TIMMDC1: variants seen among roughly 807,000 people sequenced by gnomAD.
TIMMDC1 encodes the protein complex I assembly factor TIMMDC1, mitochondrial.
A neutral mutation model predicts 32.6 loss-of-function variants in TIMMDC1; 25 were observed. The ratio of observed to expected loss-of-function variants is 0.77; its 90% CI spans 0.56 to 1.07. The LOEUF is 1.07. TIMMDC1 is among the 50% of genes least tolerant of loss of function. The probability of loss-of-function intolerance (pLI) is 0.00; values close to 1 mark genes in which losing one functional copy is unlikely to be tolerated. For synonymous variants in TIMMDC1, 130 were observed against 127.6 expected (o/e 1.02, Z -0.13); for missense variants, 329 against 349.2 (o/e 0.94, Z 0.46).
rs910069510 is a variant in TIMMDC1 at position 119,524,779 on chromosome 3, A to C, written c.*1023A>C. 1.3e-5 allele frequency: 2 copies of C among 152,232 alleles called. No homozygotes were observed. The highest frequency in any genetic ancestry group is 4.8e-5 in the African/African-American group (2 of 41,460). 9.4% of individuals were successfully genotyped at this position (152,232 alleles called of 1,614,324 possible). A position where few individuals can be genotyped will look rare whatever the true frequency, so the allele number is the denominator to read the frequency against. On this transcript the variant is annotated 3_prime_UTR_variant, in exon 7 of 7. Coordinates refer to ENST00000494664, the MANE Select transcript of TIMMDC1 (RefSeq NM_016589.4). Reference sequence around the variant, plus strand: ...TGAGTAACATGAACAGCAGTTGGCTATGTCTTTCCAGTTCTCTGCTGATGT... The same window carrying C: ...TGAGTAACATGAACAGCAGTTGGCTCTGTCTTTCCAGTTCTCTGCTGATGT...
At position 119,523,893 on chromosome 3, in the gene TIMMDC1, T is replaced by A. The variant is rs1234457155; in HGVS notation, c.*137T>A. 5 of 806,886 alleles carry A rather than the reference T, an allele frequency of 6.2e-6. No individual in the cohort carries two copies. The South Asian group carries it at 1.3e-4, about 21-fold the overall frequency. 50.0% of individuals were successfully genotyped at this position (806,886 alleles called of 1,614,324 possible). On this transcript the variant is annotated 3_prime_UTR_variant, in exon 7 of 7. Transcript: ENST00000494664. ...TACCTGTGGTGGCAGTGGCTTGCTC[T>A]TGTCTTTTTCTTTTCTTTTTAACTA... is the stretch of plus-strand genomic sequence containing the variant.
chr3:119,520,680 C>G (rs1317941170), intron 6 of TIMMDC1, among the ~76,000 whole-genome samples: 1 of 152,208 alleles, frequency 6.6e-6, no homozygotes, highest in African/African-American at 2.4e-5. Flanking sequence ...AAGACCAATT[C>G]TCAAACTGTT....
intron 5 of TIMMDC1, among the ~76,000 whole-genome samples, chr3:119,516,310 T>C (rs1262712176): frequency 6.6e-6 from 1 of 152,226 alleles, no homozygotes; most frequent in Admixed American, 6.5e-5. Flanking sequence ...AGATTTTGAC[T>C]ACTTTAGATA....
Position 119,503,938 on chromosome 3 carries a change from C to G in TIMMDC1, c.450-16C>G. ...GCTTTAAATCTTATATTTTCCTTCT[C>G]CTCCCTTTTTACCAGCACAGTGAAC... On this transcript the variant is annotated splice_polypyrimidine_tract_variant and intron_variant, in intron 3 of 6. Coordinates refer to ENST00000494664, the MANE Select transcript of TIMMDC1 (RefSeq NM_016589.4). 1 of 1,604,640 alleles carries G rather than the reference C, an allele frequency of 6.2e-7. No homozygotes were observed. The highest frequency in any genetic ancestry group is 8.5e-7 in the Non-Finnish European group (1 of 1,173,062).
chr3:119,523,737 A>G lies in TIMMDC1; in HGVS notation c.839A>G (p.Asp280Gly), dbSNP rs1483651211. 4 of 1,609,084 alleles carry G rather than the reference A, an allele frequency of 2.5e-6. No individual in the cohort carries two copies. Among genetic ancestry groups the G allele is most frequent in the South Asian group, 2.2e-5 (2 of 90,130 alleles). The change falls in exon 7 of 7, where the codon GAT becomes GGT. Residue 280 changes from aspartate to glycine, a missense_variant. Coordinates refer to ENST00000494664, the MANE Select transcript of TIMMDC1 (RefSeq NM_016589.4). ...CTTCCTAGAAACCCTTCAGTAATAG[A>G]TAAACAAGACAAGGACTGAAAGTGC... Reference protein sequence around the residue: ...LNLPRNPSVIDKQDKD With the variant: ...LNLPRNPSVIGKQDKD
At chr3:119,508,457 T>C (rs7642302) in intron 4 of TIMMDC1, among the ~76,000 whole-genome samples, 6,748 of 152,308 alleles carry the variant, frequency 0.044, 466 homozygotes, top group African/African-American at 0.15. Flanking sequence ...GTTTTTCCAT[T>C]TGTTTAGCTT....
At chr3:119,516,178 A>C (rs867696862) in intron 5 of TIMMDC1, among the ~76,000 whole-genome samples, 3 of 152,234 alleles carry the variant, frequency 2.0e-5, no homozygotes, top group African/African-American at 7.2e-5. Context: ...GTATATTCAC[A>C]TTGTGCATGA....
In TIMMDC1 at chr3:119,498,810, A is replaced by C; in HGVS notation, c.77A>C (p.Glu26Ala). 6.2e-7 allele frequency: 1 copy of C among 1,614,194 alleles called. No homozygotes were observed. The highest frequency in any genetic ancestry group is 8.5e-7 in the Non-Finnish European group (1 of 1,180,030). Residue 26 changes from glutamate to alanine, a missense_variant, in exon 1 of 7, where the codon GAA (glutamate) becomes GCA (alanine). Physicochemically the swap from Glu to Ala is moderately radical, Grantham distance 107 (BLOSUM62 -1). Transcript: ENST00000494664. ...CTATTTCCCCGAGTCTTTGCTGCCG[A>C]AGCTGTGACTGCCGATTCGGAAGTC... ...LCLFPRVFAA[E>A]AVTADSEVLE...
At position 119,523,844 on chromosome 3, in the gene TIMMDC1, C is replaced by A; in HGVS notation, c.*88C>A. The A allele has an allele frequency of 7.4e-7, 1 of 1,345,102 alleles. No homozygotes were observed. The highest frequency in any genetic ancestry group is 9.8e-7 in the Non-Finnish European group (1 of 1,015,748). The allele number at this position is 1,345,102 out of a possible 1,614,324, so 83.3% of individuals were successfully genotyped here. A position where few individuals can be genotyped will look rare whatever the true frequency, so the allele number is the denominator to read the frequency against. On this transcript the variant is annotated 3_prime_UTR_variant, in exon 7 of 7. Transcript: ENST00000494664. ...AACAGACAGGCCACTCTTTGGTCAG[C>A]CTGCTGACAAATTTAAGTGCTGGTA...
At chr3:119,519,393 G>A (rs1248978326) in intron 6 of TIMMDC1, among the ~76,000 whole-genome samples, 2 of 152,140 alleles carry the variant, frequency 1.3e-5, no homozygotes, top group African/African-American at 4.8e-5. Flanking sequence ...ATACAGATAG[G>A]CTGAAAGTAA....
Position 119,511,610 on chromosome 3 carries a change from C to T in TIMMDC1, c.518-2031C>T, listed in dbSNP as rs1336523038. ...AGGAAACAGGAAACACAGTTTTGGC[C>T]ACATAAAATTTTTAAACCTATCTAT... On this transcript the variant is annotated intron_variant, in intron 4 of 6. Coordinates refer to ENST00000494664, the MANE Select transcript of TIMMDC1 (RefSeq NM_016589.4). Among the ~76,000 whole-genome samples the T allele has an allele frequency of 2.0e-5, 3 of 152,028 alleles. No homozygotes were observed. The East Asian group carries it at 5.8e-4, about 29-fold the overall frequency.
At chr3:119,511,119 G>GT (rs200383691) in intron 4 of TIMMDC1, among the ~76,000 whole-genome samples, 1,725 of 152,164 alleles carry the variant, frequency 0.011, 34 homozygotes, top group African/African-American at 0.038. Flanking sequence ...AGGCTAGACA[G>GT]TTTATCTGCG....
chr3:119,521,923 A>T (rs1486033816), intron 6 of TIMMDC1, among the ~76,000 whole-genome samples: 1 of 152,192 alleles, frequency 6.6e-6, no homozygotes, highest in African/African-American at 2.4e-5. Context: ...TTTGGCAAGG[A>T]TGTAGAAAGA....
At chr3:119,504,904 C>G (rs543671984) in intron 4 of TIMMDC1, among the ~76,000 whole-genome samples, 17 of 152,066 alleles carry the variant, frequency 1.1e-4, no homozygotes, top group African/African-American at 4.1e-4. Flanking sequence ...ATGGTGAAAC[C>G]CCGTCTCTAC....
chr3:119,523,547 A>T (rs2082044796), intron 6 of TIMMDC1, 59 bp from the exon 7 acceptor site: 2 of 1,466,714 alleles, frequency 1.4e-6, no homozygotes, highest in Admixed American at 4.8e-5. Context: ...TTTGTTTTAA[A>T]TCTGTAAGAA....
At chr3:119,505,976 C>T (rs898236317) in intron 4 of TIMMDC1, among the ~76,000 whole-genome samples, 6 of 151,990 alleles carry the variant, frequency 3.9e-5, no homozygotes, top group East Asian at 1.9e-4. Flanking sequence ...TAGGTAAACG[C>T]GTGTCATGGA....
At chr3:119,503,443 A>G in intron 2 of TIMMDC1, 89 bp from the exon 3 acceptor site, 4 of 914,534 alleles carry the variant, frequency 4.4e-6, no homozygotes, top group Non-Finnish European at 6.5e-6. Context: ...TACCTGACTA[A>G]TCCATAGCTA....
At chr3:119,509,604 A>G (rs990649571) in intron 4 of TIMMDC1, among the ~76,000 whole-genome samples, 8 of 152,168 alleles carry the variant, frequency 5.3e-5, no homozygotes, top group Admixed American at 5.2e-4. Context: ...AGTAACCACA[A>G]ATGGGCGTGG....
intron 4 of TIMMDC1, among the ~76,000 whole-genome samples, chr3:119,508,070 G>A (rs13090653): frequency 0.15 from 22,342 of 152,170 alleles, 2,062 homozygotes; most frequent in Non-Finnish European, 0.2. Flanking sequence ...CTTGAGGGCA[G>A]GCCTTAGTGA....
Sources: allele counts gnomAD v4.1 joint callset (sites outside exome capture counted in the v4.1 genomes callset), GRCh38; gene constraint gnomAD v4.1.1; transcripts MANE v1.5; gene names NCBI Gene and HGNC (gene_info 2026-07-23, HGNC 2026-07-21).